The following CLNK variants were observed in gnomAD, a reference collection of about 807,000 sequenced individuals.
CLNK encodes cytokine-dependent hematopoietic cell linker.
CLNK carries 74 observed loss-of-function variants against 68.6 expected under a neutral mutation model. The observed-to-expected ratio is 1.08, with a 90% CI of 0.89 to 1.31. CLNK has a LOEUF of 1.31. Among genes scored for constraint, CLNK ranks in the 50% most tolerant of loss-of-function variants. The pLI is 0.00. For missense variants in CLNK, 553 were observed against 515.3 expected (o/e 1.07, Z -0.71); for synonymous variants, 198 against 172.2 (o/e 1.15, Z -1.17).
intron 13 of CLNK, among the ~76,000 whole-genome samples, chr4:10,526,706 G>T (rs1230048017): frequency 6.6e-6 from 1 of 152,180 alleles, no homozygotes; most frequent in East Asian, 1.9e-4. Flanking sequence ...CAGGGATACA[G>T]TTTCTCAATT....
intron 2 of CLNK, among the ~76,000 whole-genome samples, chr4:10,602,783 A>C (rs141192661): frequency 1.3e-5 from 2 of 152,376 alleles, no homozygotes; most frequent in East Asian, 3.8e-4. Flanking sequence ...CAGGCAATGC[A>C]ATAGGCACAA....
chr4:10,492,640 T>C (rs1253511847), intron 18 of CLNK, among the ~76,000 whole-genome samples: 1 of 152,128 alleles, frequency 6.6e-6, no homozygotes, highest in Non-Finnish European at 1.5e-5. Flanking sequence ...GCGCACTGAA[T>C]AGAAAGCAAT....
chr4:10,541,086 C>A (rs907260713), intron 10 of CLNK, among the ~76,000 whole-genome samples: 4 of 151,932 alleles, frequency 2.6e-5, no homozygotes, highest in South Asian at 2.1e-4. Flanking sequence ...TGGTGGCATG[C>A]ACCTGTAATC....
At chr4:10,544,933 C>A (rs1282189327) in intron 8 of CLNK, among the ~76,000 whole-genome samples, 3 of 152,052 alleles carry the variant, frequency 2.0e-5, no homozygotes, top group Non-Finnish European at 2.9e-5. Context: ...GTTTTCCTTC[C>A]ATCAGAACTC....
At chr4:10,574,255 C>G (rs1198496112) in intron 4 of CLNK, among the ~76,000 whole-genome samples, 2 of 152,170 alleles carry the variant, frequency 1.3e-5, no homozygotes. Flanking sequence ...TGCTCTCTGA[C>G]CTCATCCCTT....
intron 4 of CLNK, among the ~76,000 whole-genome samples, chr4:10,576,073 C>T (rs142169044): frequency 3.3e-5 from 5 of 152,298 alleles, no homozygotes; most frequent in Non-Finnish European, 5.9e-5. Context: ...GGTGAATGCA[C>T]AATCAATCAA....
At chr4:10,551,298 G>A (rs1023843893) in intron 8 of CLNK, among the ~76,000 whole-genome samples, 13 of 152,260 alleles carry the variant, frequency 8.5e-5, no homozygotes, top group Non-Finnish European at 1.9e-4. Context: ...ACGCTGGAGT[G>A]CAGTGGTGTG....
chr4:10,704,211 T>C, the CLNK span, among the ~76,000 whole-genome samples: 1 of 152,126 alleles, frequency 6.6e-6, no homozygotes, highest in Non-Finnish European at 1.5e-5. Flanking sequence ...AGAGAGACCC[T>C]AAGTCGTTGC....
At chr4:10,495,229 T>C (rs551679829) in intron 18 of CLNK, among the ~76,000 whole-genome samples, 18 of 152,328 alleles carry the variant, frequency 1.2e-4, no homozygotes, top group South Asian at 6.2e-4. Flanking sequence ...GAAATTGAAA[T>C]TGAAATGTCC....
chr4:10,487,394 A>G lies in CLNK; in HGVS notation c.*3073T>C, dbSNP rs1716389859. 1 of 152,228 alleles carries G rather than the reference A, an allele frequency of 6.6e-6. No individual in the cohort carries two copies. Among genetic ancestry groups the G allele is most frequent in the Non-Finnish European group, 1.5e-5 (1 of 68,040 alleles). The allele number at this position is 152,228 out of a possible 1,614,324, so 9.4% of individuals were successfully genotyped here. On this transcript the variant is annotated 3_prime_UTR_variant, in exon 19 of 19. Transcript: ENST00000226951. ...CTTCTTTACAGAAGTGTTGTAAGAA[A>G]CAAATACAATCGAATTTATATACTC...
chr4:10,585,520 A>G (rs980594224), intron 3 of CLNK, among the ~76,000 whole-genome samples: 1 of 152,350 alleles, frequency 6.6e-6, no homozygotes, highest in Admixed American at 6.5e-5. Flanking sequence ...TTTTCTGTCC[A>G]TAAACCTTCT....
intron 16 of CLNK, among the ~76,000 whole-genome samples, chr4:10,508,533 C>A (rs1161846446): frequency 6.6e-6 from 1 of 152,180 alleles, no homozygotes; most frequent in African/African-American, 2.4e-5. Flanking sequence ...CTGGGCCGCA[C>A]TGCTTTATTT....
chr4:10,599,052 C>T (rs898090039), intron 2 of CLNK, among the ~76,000 whole-genome samples: 5 of 152,266 alleles, frequency 3.3e-5, no homozygotes, highest in Non-Finnish European at 7.3e-5. Flanking sequence ...GAATCCTCCT[C>T]GGCCTCACAG....
At chr4:10,729,347 A>G in the CLNK span, among the ~76,000 whole-genome samples, 15 of 152,218 alleles carry the variant, frequency 9.9e-5, no homozygotes, top group Non-Finnish European at 1.3e-4. Flanking sequence ...TCTATGGAAA[A>G]CAGTATGGAG....
At chr4:10,722,490 T>C in the CLNK span, among the ~76,000 whole-genome samples, 5 of 152,202 alleles carry the variant, frequency 3.3e-5, no homozygotes, top group African/African-American at 4.8e-5. Context: ...AGTGACCCAC[T>C]ATTATGCAGC....
chr4:10,547,185 C>T (rs531016975), intron 8 of CLNK, among the ~76,000 whole-genome samples: 3 of 152,112 alleles, frequency 2.0e-5, no homozygotes, highest in African/African-American at 4.8e-5. Flanking sequence ...GGGATGAGCA[C>T]GAGGAGGAGG....
At chr4:10,619,783 A>G (rs1246908012) in intron 2 of CLNK, among the ~76,000 whole-genome samples, 6 of 152,270 alleles carry the variant, frequency 3.9e-5, no homozygotes, top group African/African-American at 9.6e-5. Context: ...TCTTTCCAGT[A>G]TCGTGTGGAG....
intron 2 of CLNK, among the ~76,000 whole-genome samples, chr4:10,641,623 C>T (rs754105858): frequency 3.9e-5 from 6 of 152,190 alleles, no homozygotes; most frequent in Non-Finnish European, 7.3e-5. Context: ...CAGACCTCTT[C>T]TTCTGAATGA....
At chr4:10,504,322 G>A (rs1240487510) in intron 17 of CLNK, among the ~76,000 whole-genome samples, 2 of 151,670 alleles carry the variant, frequency 1.3e-5, no homozygotes, top group Non-Finnish European at 2.9e-5. Flanking sequence ...AGGTTTCACC[G>A]TGTTAGCCAG....
Sources: allele counts gnomAD v4.1 joint callset (sites outside exome capture counted in the v4.1 genomes callset), GRCh38; gene constraint gnomAD v4.1.1; transcripts MANE v1.5; gene names NCBI Gene and HGNC (gene_info 2026-07-23, HGNC 2026-07-21).